The following TANC2 variants were observed in gnomAD, a reference collection of about 807,000 sequenced individuals.
TANC2 encodes protein TANC2.
Under a neutral mutation model 210.5 loss-of-function variants are expected in TANC2, and 26 were observed. The observed-to-expected ratio is 0.12, with a 90% CI of 0.09 to 0.17. The LOEUF (loss-of-function observed/expected upper bound fraction) is 0.17. Ranked by LOEUF, TANC2 falls within the 10% of genes least tolerant of loss-of-function variation. The pLI, the probability that TANC2 is intolerant of heterozygous loss-of-function variation, is 1.00. For missense variants in TANC2, 2,129 were observed against 2,608.9 expected (o/e 0.82, Z 4.01); for synonymous variants, 931 against 967.1 (o/e 0.96, Z 0.69).
chr17:63,333,041 G>A (rs1159172611), intron 11 of TANC2, among the ~76,000 whole-genome samples: 1 of 152,206 alleles, frequency 6.6e-6, no homozygotes, highest in Non-Finnish European at 1.5e-5. Context: ...CTCTGATGGT[G>A]ACATACAAGG....
chr17:63,175,269 A>G (rs187748147), intron 5 of TANC2, among the ~76,000 whole-genome samples: 257 of 152,286 alleles, frequency 1.7e-3, no homozygotes, highest in Non-Finnish European at 2.2e-3. Context: ...ACCTCATACC[A>G]TACACAAAAG....
At chr17:63,407,395 T>A (rs1020021566) in intron 21 of TANC2, among the ~76,000 whole-genome samples, 2 of 152,218 alleles carry the variant, frequency 1.3e-5, no homozygotes, top group African/African-American at 4.8e-5. Context: ...CAGAGTAATA[T>A]TCCAGAACAA....
exon 28 of TANC2, chr17:63,422,331 T>C (rs1278126494): frequency 1.1e-5 from 2 of 184,480 alleles, no homozygotes; most frequent in Admixed American, 1.1e-4. Flanking sequence ...AAAAATAAGG[T>C]GTTCTTGTTC....
chr17:63,289,276 C>G (rs1399309365), intron 9 of TANC2, among the ~76,000 whole-genome samples: 1 of 151,980 alleles, frequency 6.6e-6, no homozygotes, highest in Non-Finnish European at 1.5e-5. Context: ...TCCTTTTTCT[C>G]TTTTTTCTCC....
At chr17:63,194,946 A>G (rs962721632) in intron 6 of TANC2, among the ~76,000 whole-genome samples, 8 of 152,176 alleles carry the variant, frequency 5.3e-5, no homozygotes, top group Admixed American at 1.3e-4. Context: ...TTCAGCGTGA[A>G]TGTCTGATAG....
Position 63,411,815 on chromosome 17 carries a change from A to G in TANC2, c.3765+129A>G, listed in dbSNP as rs572137750. The G allele has an allele frequency of 5.0e-6, 7 of 1,393,128 alleles. No homozygotes were observed. In the African/African-American group the frequency reaches 7.2e-5, roughly 14 times the overall value. 86.3% of individuals were successfully genotyped at this position (1,393,128 alleles called of 1,614,324 possible). On this transcript the variant is annotated intron_variant, in intron 22 of 27. Coordinates refer to ENST00000689528, the Ensembl canonical transcript of TANC2. The stretch of plus-strand genomic sequence containing the variant: ...CAGAGCTCTCAGATCTATACTTGCT[A>G]GAGAGCAAGAATATTCAAAATGCTG...
intron 7 of TANC2, among the ~76,000 whole-genome samples, chr17:63,205,165 C>T (rs1232163119): frequency 1.3e-5 from 2 of 151,728 alleles, no homozygotes; most frequent in African/African-American, 4.8e-5. Flanking sequence ...GACAAGCGTC[C>T]TAAGACCATG....
At chr17:63,267,661 C>T in intron 8 of TANC2, 87 bp from the exon 9 acceptor site, 1 of 1,422,936 alleles carries the variant, frequency 7.0e-7, no homozygotes, top group Non-Finnish European at 9.4e-7. Flanking sequence ...TGGAGTAAGC[C>T]CTGATTCCAA....
At chr17:63,410,971 T>C (rs1232678738) in intron 21 of TANC2, among the ~76,000 whole-genome samples, 1 of 151,780 alleles carries the variant, frequency 6.6e-6, no homozygotes, top group East Asian at 1.9e-4. Context: ...AGTTGACTTA[T>C]GTTAAGCATA....
At chr17:63,181,149 C>T (rs2040771966) in intron 5 of TANC2, among the ~76,000 whole-genome samples, 1 of 150,974 alleles carries the variant, frequency 6.6e-6, no homozygotes, top group Admixed American at 6.6e-5. Flanking sequence ...TTTCTGCTTA[C>T]TCTTCTCAGT....
chr17:63,120,541 T>G (rs914373251), intron 4 of TANC2: 3 of 152,016 alleles, frequency 2.0e-5, no homozygotes, highest in African/African-American at 7.2e-5. Context: ...CAAGGCCAGG[T>G]GGTGACTCAT....
At chr17:63,014,585 T>C (rs1037907863) in intron 2 of TANC2, among the ~76,000 whole-genome samples, 1 of 152,212 alleles carries the variant, frequency 6.6e-6, no homozygotes. Context: ...GTCTGTGTTA[T>C]TGTGCATGGC....
intron 7 of TANC2, among the ~76,000 whole-genome samples, chr17:63,205,960 T>C (rs1166546690): frequency 6.6e-6 from 1 of 152,100 alleles, no homozygotes. Context: ...ATAATGTATC[T>C]GATAAGGGAT....
At chr17:63,048,325 C>T (rs1407530205) in intron 2 of TANC2, among the ~76,000 whole-genome samples, 1 of 152,090 alleles carries the variant, frequency 6.6e-6, no homozygotes, top group Non-Finnish European at 1.5e-5. Context: ...TTGAGAACAC[C>T]TTATTTGTTT....
chr17:63,007,964 G>T (rs1598238310), intron 1 of TANC2, among the ~76,000 whole-genome samples: 1 of 144,396 alleles, frequency 6.9e-6, no homozygotes, highest in Admixed American at 6.9e-5. Flanking sequence ...TTTAAACTGA[G>T]AGTAAATTGC....
At chr17:63,248,330 A>G (rs2042970298) in intron 8 of TANC2, among the ~76,000 whole-genome samples, 1 of 152,114 alleles carries the variant, frequency 6.6e-6, no homozygotes, top group South Asian at 2.1e-4. Flanking sequence ...AAAAAAGTAT[A>G]TTCACACTTA....
intron 1 of TANC2, among the ~76,000 whole-genome samples, chr17:62,996,413 T>C (rs1019942137): frequency 6.6e-6 from 1 of 152,184 alleles, no homozygotes; most frequent in Non-Finnish European, 1.5e-5. Flanking sequence ...TGTGTTCAAA[T>C]AAGGCAAATG....
intron 2 of TANC2, 91 bp from the exon 3 acceptor site, chr17:63,073,852 G>A (rs1249058127): frequency 8.9e-6 from 9 of 1,007,938 alleles, no homozygotes; most frequent in Non-Finnish European, 1.2e-5. Context: ...ATAAATGATC[G>A]ATATAGTAGT....
chr17:63,031,295 G>A (rs1042924147), intron 2 of TANC2, among the ~76,000 whole-genome samples: 1 of 152,060 alleles, frequency 6.6e-6, no homozygotes, highest in African/African-American at 2.4e-5. Flanking sequence ...TCAAGTATTA[G>A]AAACATATTT....
Sources: allele counts gnomAD v4.1 joint callset (sites outside exome capture counted in the v4.1 genomes callset), GRCh38; gene constraint gnomAD v4.1.1; transcripts MANE v1.5; gene names NCBI Gene and HGNC (gene_info 2026-07-23, HGNC 2026-07-21).